PCDH9: variants seen among roughly 807,000 people sequenced by gnomAD.
PCDH9 encodes the protein protocadherin-9.
Under a neutral mutation model 70.6 loss-of-function variants are expected in PCDH9, and 24 were observed. The ratio of observed to expected loss-of-function variants is 0.34; its 90% CI spans 0.25 to 0.48. PCDH9 has a LOEUF of 0.48. PCDH9 is among the 20% of genes least tolerant of loss of function. PCDH9 has a pLI of 0.99. For missense variants in PCDH9, 1,281 were observed against 1,503.6 expected (o/e 0.85, Z 2.45); for synonymous variants, 562 against 558.5 (o/e 1.01, Z -0.09).
chr13:66,887,949 T>C (rs1294258953), intron 3 of PCDH9, among the ~76,000 whole-genome samples: 6 of 152,192 alleles, frequency 3.9e-5, no homozygotes, highest in Non-Finnish European at 7.3e-5. Context: ...ATGATAAAGG[T>C]ACATTGTTAT....
At position 66,459,460 on chromosome 13, in the gene PCDH9, T is replaced by A. The variant is rs118077879; in HGVS notation, c.3341-154432A>T. ...ATGAGGTTTTACTTTTGAATTTTTT[T>A]AAAAAGTTGTGTTTTTTTTTTATAT... is the stretch of plus-strand genomic sequence containing the variant. On this transcript the variant is annotated intron_variant, in intron 4 of 4. Transcript: ENST00000377865. 4.6e-3 allele frequency among the ~76,000 whole-genome samples: 694 copies of A among 152,098 alleles called. 29 individuals carry two copies. In the East Asian group the frequency reaches 0.088, roughly 19 times the overall value.
chr13:67,021,619 G>A (rs1313928202), intron 2 of PCDH9, among the ~76,000 whole-genome samples: 1 of 152,032 alleles, frequency 6.6e-6, no homozygotes, highest in Non-Finnish European at 1.5e-5. Flanking sequence ...GAGTGCAGTG[G>A]TGCGATCTCT....
In PCDH9 at chr13:66,304,914, T is replaced by C; in HGVS notation, c.3455A>G (p.Gln1152Arg). 6.2e-7 allele frequency: 1 copy of C among 1,613,526 alleles called. No individual in the cohort carries two copies. Among genetic ancestry groups the C allele is most frequent in the Non-Finnish European group, 8.5e-7 (1 of 1,179,752 alleles). Reference protein sequence around the residue: ...CWMPPGLGPYQHPKSPLSTFA... With the variant: ...CWMPPGLGPYRHPKSPLSTFA... ...GGTTGAGAGAGGAGATTTGGGGTGTTGATATGGACCCAAGCCAGGAGGCAT... is the reference window on the plus strand; with the variant it reads ...GGTTGAGAGAGGAGATTTGGGGTGTCGATATGGACCCAAGCCAGGAGGCAT... Residue 1152 changes from glutamine to arginine, a missense_variant, in exon 5 of 5, where the codon CAA (glutamine) becomes CGA (arginine). Physicochemically the swap from Gln to Arg is conservative, Grantham distance 43. Transcript: ENST00000377865.
chr13:66,475,911 C>A (rs138523890), intron 4 of PCDH9, among the ~76,000 whole-genome samples: 3 of 152,244 alleles, frequency 2.0e-5, no homozygotes, highest in Non-Finnish European at 4.4e-5. Flanking sequence ...CTCTAAGTCT[C>A]TTCCCTAACT....
chr13:66,835,931 TAA>T (rs1388782150), intron 3 of PCDH9, among the ~76,000 whole-genome samples: 1 of 152,090 alleles, frequency 6.6e-6, no homozygotes, highest in East Asian at 1.9e-4. Flanking sequence ...TAATTTGAGA[TAA>T]AAGTTAAAAA....
At chr13:66,900,793 A>C (rs2082264618) in intron 3 of PCDH9, among the ~76,000 whole-genome samples, 1 of 151,738 alleles carries the variant, frequency 6.6e-6, no homozygotes, top group Non-Finnish European at 1.5e-5. Flanking sequence ...ACAGTTAAAT[A>C]TTTGTGTGTG....
chr13:66,327,055 T>C (rs1317440694), intron 4 of PCDH9, among the ~76,000 whole-genome samples: 1 of 152,106 alleles, frequency 6.6e-6, no homozygotes, highest in Admixed American at 6.5e-5. Flanking sequence ...CTTAATACAA[T>C]TATCTTTCCA....
At chr13:66,411,306 T>G (rs1187963263) in intron 4 of PCDH9, among the ~76,000 whole-genome samples, 1 of 152,204 alleles carries the variant, frequency 6.6e-6, no homozygotes, top group Non-Finnish European at 1.5e-5. Context: ...CTATTGTAAT[T>G]TTGAAGATTT....
intron 3 of PCDH9, among the ~76,000 whole-genome samples, chr13:66,633,229 G>T (rs542293916): frequency 1.3e-5 from 2 of 152,206 alleles, no homozygotes; most frequent in East Asian, 1.9e-4. Flanking sequence ...GGTACTAATT[G>T]CCTCTATTGT....
chr13:66,917,477 A>C (rs547098675), intron 2 of PCDH9, among the ~76,000 whole-genome samples: 2 of 151,586 alleles, frequency 1.3e-5, no homozygotes, highest in African/African-American at 4.8e-5. Flanking sequence ...CAGAAACACT[A>C]ATCACTACAG....
chr13:67,094,168 T>C (rs548622890), intron 2 of PCDH9, among the ~76,000 whole-genome samples: 4 of 152,318 alleles, frequency 2.6e-5, no homozygotes, highest in South Asian at 4.1e-4. Flanking sequence ...AAATAGAACA[T>C]TCTTAAGTTG....
At chr13:66,444,630 G>A (rs1163365399) in intron 4 of PCDH9, among the ~76,000 whole-genome samples, 2 of 151,956 alleles carry the variant, frequency 1.3e-5, no homozygotes, top group Non-Finnish European at 2.9e-5. Context: ...GCACGATGTC[G>A]GCTCATTGCA....
chr13:66,667,298 ACAAATGTGGTGGTTCATGAGAGTCT>A (rs1157995142), intron 3 of PCDH9, among the ~76,000 whole-genome samples: 1 of 152,208 alleles, frequency 6.6e-6, no homozygotes, highest in Non-Finnish European at 1.5e-5. Context: ...CTTTCCAGTC[ACAAATGTGGTGGTTCATGAGAGTCT>A]CGTTATTTCT....
intron 2 of PCDH9, among the ~76,000 whole-genome samples, chr13:67,038,927 C>T (rs1446170513): frequency 6.6e-6 from 1 of 152,112 alleles, no homozygotes; most frequent in African/African-American, 2.4e-5. Flanking sequence ...CAGTCTTGGT[C>T]GCCAAAAAGA....
At chr13:67,229,673 G>A (rs528481070) in intron 1 of PCDH9, 107 bp downstream of exon 1, 2 of 152,358 alleles carry the variant, frequency 1.3e-5, no homozygotes, top group Admixed American at 1.3e-4. Context: ...AGCCGAGTAG[G>A]TGAGCTCTGC....
At chr13:67,020,502 G>A (rs557001044) in intron 2 of PCDH9, among the ~76,000 whole-genome samples, 117 of 152,112 alleles carry the variant, frequency 7.7e-4, no homozygotes, top group African/African-American at 2.7e-3. Context: ...GAATTCCCAC[G>A]TTAGAAGACA....
chr13:66,924,971 A>T (rs2082694128), intron 2 of PCDH9, among the ~76,000 whole-genome samples: 1 of 151,880 alleles, frequency 6.6e-6, no homozygotes, highest in African/African-American at 2.4e-5. Flanking sequence ...TGAATGACAC[A>T]AATATAAACA....
intron 3 of PCDH9, among the ~76,000 whole-genome samples, chr13:66,682,782 T>C (rs181391939): frequency 1.3e-3 from 193 of 152,294 alleles, no homozygotes; most frequent in African/African-American, 4.5e-3. Context: ...CTTTATCTAA[T>C]TACTTTCAAA....
At chr13:66,432,901 A>C (rs768413067) in intron 4 of PCDH9, among the ~76,000 whole-genome samples, 1 of 152,024 alleles carries the variant, frequency 6.6e-6, no homozygotes, top group African/African-American at 2.4e-5. Context: ...TGCTTCAATT[A>C]ATCCCAGGGC....
Sources: allele counts gnomAD v4.1 joint callset (sites outside exome capture counted in the v4.1 genomes callset), GRCh38; gene constraint gnomAD v4.1.1; transcripts MANE v1.5; gene names NCBI Gene and HGNC (gene_info 2026-07-23, HGNC 2026-07-21).